The following QTRT2 variants were observed in gnomAD, a reference collection of about 807,000 sequenced individuals.
QTRT2 encodes the protein queuine tRNA-ribosyltransferase accessory subunit 2.
A neutral mutation model predicts 44.8 loss-of-function variants in QTRT2; 32 were observed. The observed-to-expected ratio is 0.71, with a 90% CI of 0.54 to 0.96. The LOEUF is 0.96. Among genes scored for constraint, QTRT2 ranks in the 40% least tolerant of loss-of-function variants. QTRT2 has a pLI of 0.00. For missense variants in QTRT2, 461 were observed against 503.1 expected, an observed-to-expected ratio of 0.92 and a Z score of 0.80; for synonymous variants, 182 against 187.4, an observed-to-expected ratio of 0.97 and a Z score of 0.24.
intron 2 of QTRT2, among the ~76,000 whole-genome samples, chr3:114,058,493 T>TG (rs2076839122): frequency 6.6e-6 from 1 of 152,232 alleles, no homozygotes; most frequent in African/African-American, 2.4e-5. Flanking sequence ...CCGAATGCCT[T>TG]GGAAAAATCT....
In QTRT2 at chr3:114,068,082, C is replaced by T. The variant is rs1412395609; in HGVS notation, c.333+19C>T. 5 of 1,607,718 alleles carry T rather than the reference C, an allele frequency of 3.1e-6. No homozygotes were observed. Among genetic ancestry groups the T allele is most frequent in the Non-Finnish European group, 4.3e-6 (5 of 1,174,456 alleles). On this transcript the variant is annotated intron_variant, in intron 5 of 9. Transcript: ENST00000281273. ...AAACAAGGTGTGTTTTCAGAAGGGT[C>T]TCCAAGGCTGCAGCTTTGTCCCAGG... is the stretch of plus-strand genomic sequence containing the variant.
intron 6 of QTRT2, among the ~76,000 whole-genome samples, chr3:114,071,489 G>A (rs1287826349): frequency 6.6e-6 from 1 of 152,050 alleles, no homozygotes; most frequent in Non-Finnish European, 1.5e-5. Context: ...AGTAGAGACC[G>A]GGTTTCACCA....
intron 6 of QTRT2, 29 bp downstream of exon 6, chr3:114,070,867 C>G (rs1384965825): frequency 1.3e-6 from 2 of 1,560,032 alleles, no homozygotes; most frequent in Non-Finnish European, 1.8e-6. Context: ...CCACTCCTTT[C>G]TCTTGACACT....
Position 114,077,002 on chromosome 3 carries a change from G to A in QTRT2, c.746+60G>A, listed in dbSNP as rs372591316. On this transcript the variant is annotated intron_variant, in intron 7 of 9. Transcript: ENST00000281273. Reference sequence around the variant, plus strand: ...GGGATGCAGGGAAGGAGTGCTGGCCGATTGTATATTAAATAGTGTCTGTGC... The same window carrying A: ...GGGATGCAGGGAAGGAGTGCTGGCCAATTGTATATTAAATAGTGTCTGTGC... 49 of 1,464,070 alleles carry A rather than the reference G, an allele frequency of 3.3e-5. 1 individual carries two copies. In the Admixed American group the frequency reaches 5.9e-4, roughly 18 times the overall value. The allele number at this position is 1,464,070 out of a possible 1,614,324, so 90.7% of individuals were successfully genotyped here.
intron 2 of QTRT2, among the ~76,000 whole-genome samples, chr3:114,064,622 C>T (rs965137082): frequency 2.0e-5 from 3 of 152,082 alleles, no homozygotes; most frequent in South Asian, 2.1e-4. Flanking sequence ...TTATGGATTG[C>T]GTGTATGCTC....
Position 114,073,255 on chromosome 3 carries a change from C to T in QTRT2, c.546+2417C>T, listed in dbSNP as rs567722722. 3.9e-5 allele frequency among the ~76,000 whole-genome samples: 6 copies of T among 152,228 alleles called. No individual in the cohort carries two copies. The South Asian group carries it at 1.2e-3, about 32-fold the overall frequency. On this transcript the variant is annotated intron_variant, in intron 6 of 9. Transcript: ENST00000281273. Reference sequence around the variant, plus strand: ...ATGTTTGGGTAAGTAGAAAGCAGGACAGCGAGTGTGACAAAGATGATTATT... The same window carrying T: ...ATGTTTGGGTAAGTAGAAAGCAGGATAGCGAGTGTGACAAAGATGATTATT...
At position 114,065,187 on chromosome 3, in the gene QTRT2, C is replaced by T. The variant is rs748690900; in HGVS notation, c.-21-50C>T. On this transcript the variant is annotated intron_variant, in intron 2 of 9. Coordinates refer to ENST00000281273, the MANE Select transcript of QTRT2 (RefSeq NM_024638.4). ...TTTTTTTTTTTGCAAAATGCTTGGC[C>T]TCTAGGTGTTGTGAAGCTCCTTCTA... The T allele has an allele frequency of 2.3e-6, 3 of 1,314,630 alleles. No individual in the cohort carries two copies. In the South Asian group the frequency reaches 3.8e-5, roughly 17 times the overall value. 81.4% of individuals were successfully genotyped at this position (1,314,630 alleles called of 1,614,324 possible).
In QTRT2 at chr3:114,082,807, TAA is replaced by T. The variant is rs10603055; in HGVS notation, c.1016+16_1016+17del. 2.9e-3 allele frequency: 3,582 copies of T among 1,245,596 alleles called. 50 individuals are homozygous for T. The African/African-American group carries it at 0.046, about 16-fold the overall frequency. 77.2% of individuals were successfully genotyped at this position (1,245,596 alleles called of 1,614,324 possible). Reference sequence around the variant, plus strand: ...TGAAGGAAAAAAAGTAAGAAATTTTTAAAAGTTTGGATTTTGCTTTCTGACTT... The same window carrying T: ...TGAAGGAAAAAAAGTAAGAAATTTTTAAGTTTGGATTTTGCTTTCTGACTT... On this transcript the variant is annotated intron_variant, in intron 9 of 9. Coordinates refer to ENST00000281273, the MANE Select transcript of QTRT2 (RefSeq NM_024638.4).
intron 8 of QTRT2, 140 bp from the exon 9 acceptor site, chr3:114,082,537 T>A (rs907300734): frequency 2.0e-6 from 1 of 490,360 alleles, no homozygotes; most frequent in Non-Finnish European, 3.7e-6. Context: ...TTCCTTTTCT[T>A]GTGTGATTTC....
At position 114,065,275 on chromosome 3, in the gene QTRT2, C is replaced by T; in HGVS notation, c.18C>T (p.Thr6=). The part of the protein sequence containing the change: MKLSL[T]KVVNGCRLGK... ...CCCTTAGGATGAAGCTGAGTCTTAC[C>T]AAGGTAGTTAATGGCTGTCGCCTAG... is the stretch of plus-strand genomic sequence containing the variant. The change falls in exon 3 of 10, where the codon ACC becomes ACT. Residue 6 remains threonine, a synonymous_variant. Coordinates refer to ENST00000281273, the MANE Select transcript of QTRT2 (RefSeq NM_024638.4). The T allele has an allele frequency of 6.2e-7, 1 of 1,613,936 alleles. No individual in the cohort carries two copies. Among genetic ancestry groups the T allele is most frequent in the Non-Finnish European group, 8.5e-7 (1 of 1,179,938 alleles).
intron 7 of QTRT2, chr3:114,077,953 T>TC (rs2077114430): frequency 6.6e-6 from 1 of 152,086 alleles, no homozygotes; most frequent in African/African-American, 2.4e-5. Flanking sequence ...CCTCAGGTGA[T>TC]CCGCCTGCCT....
chr3:114,067,365 A>T (rs1385781469), intron 4 of QTRT2, among the ~76,000 whole-genome samples: 2 of 152,216 alleles, frequency 1.3e-5, no homozygotes, highest in Non-Finnish European at 2.9e-5. Context: ...TATTTTCCTT[A>T]ACGAAAATGT....
chr3:114,082,595 A>T (rs761596747), intron 8 of QTRT2, 82 bp from the exon 9 acceptor site: 33 of 563,302 alleles, frequency 5.9e-5, no homozygotes, highest in Admixed American at 1.2e-4. Flanking sequence ...AAGATCATGA[A>T]ATAATAACTA....
intron 6 of QTRT2, among the ~76,000 whole-genome samples, chr3:114,074,761 T>A (rs1160263016): frequency 1.3e-5 from 2 of 152,256 alleles, no homozygotes; most frequent in Non-Finnish European, 2.9e-5. Context: ...ATACACATAA[T>A]TAATACATAG....
At chr3:114,069,184 C>G (rs1389077111) in intron 5 of QTRT2, among the ~76,000 whole-genome samples, 1 of 151,966 alleles carries the variant, frequency 6.6e-6, no homozygotes, top group Admixed American at 6.6e-5. Flanking sequence ...CATCTATGTC[C>G]TTGTTGATCT....
In QTRT2 at chr3:114,076,928, G is replaced by A. The variant is rs942014272; in HGVS notation, c.732G>A (p.Pro244=). The A allele has an allele frequency of 6.2e-6, 10 of 1,613,924 alleles. No individual in the cohort carries two copies. Among genetic ancestry groups the A allele is most frequent in the African/African-American group, 4.0e-5 (3 of 74,908 alleles). Residue 244 remains proline (P), a synonymous_variant, in exon 7 of 10, where the codon CCG becomes CCA. Coordinates refer to ENST00000281273, the MANE Select transcript of QTRT2 (RefSeq NM_024638.4). ...RLLSSVTAEL[P]EDKPRLISGV... ...TGTCATCAGTCACTGCAGAGCTGCC[G>A]GAGGACAAGCCAAGGCCAGTGTTCG...
intron 2 of QTRT2, among the ~76,000 whole-genome samples, chr3:114,058,979 T>A (rs1185667365): frequency 6.6e-6 from 1 of 152,244 alleles, no homozygotes; most frequent in African/African-American, 2.4e-5. Flanking sequence ...GATGTGTACT[T>A]ATATATACAG....
intron 9 of QTRT2, among the ~76,000 whole-genome samples, chr3:114,085,298 C>T (rs1409815688): frequency 6.6e-6 from 1 of 152,120 alleles, no homozygotes; most frequent in Non-Finnish European, 1.5e-5. Flanking sequence ...ACCTCTGCCC[C>T]CTGGGTTCAA....
In QTRT2 at chr3:114,066,214, T is replaced by C. The variant is rs2076951933; in HGVS notation, c.201-14T>C. On this transcript the variant is annotated splice_polypyrimidine_tract_variant and intron_variant, in intron 3 of 9. Coordinates refer to ENST00000281273, the MANE Select transcript of QTRT2 (RefSeq NM_024638.4). The stretch of plus-strand genomic sequence containing the variant: ...CACATTATTATGTTATGTATTTTTC[T>C]GTTTTGCTTACAGAGCAGAACATCA... 2 of 1,585,224 alleles carry C rather than the reference T, an allele frequency of 1.3e-6. No homozygotes were observed. Among genetic ancestry groups the C allele is most frequent in the African/African-American group, 1.3e-5 (1 of 74,114 alleles).
Sources: allele counts gnomAD v4.1 joint callset (sites outside exome capture counted in the v4.1 genomes callset), GRCh38; gene constraint gnomAD v4.1.1; transcripts MANE v1.5; gene names NCBI Gene and HGNC (gene_info 2026-07-23, HGNC 2026-07-21).